RNF220: variants seen among roughly 807,000 people sequenced by gnomAD.
RNF220 encodes E3 ubiquitin-protein ligase RNF220.
In RNF220, 7 loss-of-function variants were observed where a neutral mutation model predicts 67.1. That is an observed-to-expected ratio of 0.10 (90% CI 0.06 to 0.20). The LOEUF is 0.20. Among genes scored for constraint, RNF220 ranks in the 10% least tolerant of loss-of-function variants. The pLI, the probability that RNF220 is intolerant of heterozygous loss-of-function variation, is 1.00. For missense variants in RNF220, 565 were observed against 740.3 expected, an observed-to-expected ratio of 0.76 and a Z score of 2.75; for synonymous variants, 270 against 283.2, an observed-to-expected ratio of 0.95 and a Z score of 0.47.
chr1:44,549,632 C>T (rs189485259), intron 2 of RNF220, among the ~76,000 whole-genome samples: 6 of 152,292 alleles, frequency 3.9e-5, no homozygotes, highest in Non-Finnish European at 8.8e-5. Flanking sequence ...CTAGTGACCC[C>T]TTCCTCCCCT....
intron 2 of RNF220, among the ~76,000 whole-genome samples, chr1:44,534,319 A>T (rs921575333): frequency 2.4e-4 from 36 of 151,072 alleles, no homozygotes; most frequent in African/African-American, 3.9e-4. Context: ...TATTATTATT[A>T]TTTTTAATTT....
chr1:44,582,427 G>A (rs1025425392), intron 2 of RNF220, among the ~76,000 whole-genome samples: 5 of 152,160 alleles, frequency 3.3e-5, no homozygotes, highest in Non-Finnish European at 5.9e-5. Context: ...AGAAACAGGG[G>A]ACTGAGGTAC....
At chr1:44,585,258 G>A (rs1310248723) in intron 2 of RNF220, among the ~76,000 whole-genome samples, 2 of 152,142 alleles carry the variant, frequency 1.3e-5, no homozygotes, top group East Asian at 3.9e-4. Context: ...CCCTCTGCTA[G>A]CACTTGGGAT....
In RNF220 at chr1:44,528,659, A is replaced by T. The variant is rs554513706; in HGVS notation, c.626-85506A>T. Among the ~76,000 whole-genome samples the T allele has an allele frequency of 3.4e-5, 5 of 145,318 alleles. No individual in the cohort carries two copies. The Admixed American group carries it at 3.6e-4, about 10-fold the overall frequency. Reference sequence around the variant, plus strand: ...AGACAGAATCTCACTCTATTGCCCAAGCTGGAGTGCAATGGCACAATTTTG... The same window carrying T: ...AGACAGAATCTCACTCTATTGCCCATGCTGGAGTGCAATGGCACAATTTTG... On this transcript the variant is annotated intron_variant, in intron 2 of 14. Transcript: ENST00000361799.
At chr1:44,419,380 C>T (rs1257772282) in intron 2 of RNF220, 1 of 152,084 alleles carries the variant, frequency 6.6e-6, no homozygotes, top group African/African-American at 2.4e-5. Context: ...ACATGTTGAG[C>T]CTGGAGAAAT....
intron 1 of RNF220, among the ~76,000 whole-genome samples, chr1:44,407,447 G>C (rs1647463426): frequency 6.6e-6 from 1 of 152,164 alleles, no homozygotes; most frequent in Non-Finnish European, 1.5e-5. Flanking sequence ...AAAGAGCGTC[G>C]AGGAAGAGCG....
rs1643825007 is a variant in RNF220 at position 44,622,207 on chromosome 1, T to C, written c.759-535T>C. On this transcript the variant is annotated intron_variant, in intron 3 of 14. Transcript: ENST00000361799. The surrounding 1 kb of genome is among the most constrained non-coding windows in gnomAD (Gnocchi z 4.3). ...CCCGCCTGCTCTGAGCCGCCCACCA[T>C]ATTTCAGGGCCCAGCTCCCGCCTGC... Among the ~76,000 whole-genome samples, 2 of 152,024 alleles carry C rather than the reference T, an allele frequency of 1.3e-5. No homozygotes were observed. The highest frequency in any genetic ancestry group is 6.5e-5 in the Admixed American group (1 of 15,270).
intron 2 of RNF220, among the ~76,000 whole-genome samples, chr1:44,422,589 G>T (rs922783405): frequency 3.3e-5 from 5 of 152,198 alleles, no homozygotes; most frequent in African/African-American, 1.2e-4. Flanking sequence ...GTGAGTGCCT[G>T]CTGCTGAAGT....
At chr1:44,641,907 G>C (rs1644499867) in intron 8 of RNF220, among the ~76,000 whole-genome samples, 1 of 152,258 alleles carries the variant, frequency 6.6e-6, no homozygotes, top group South Asian at 2.1e-4. Flanking sequence ...TGCCTCACTG[G>C]CCAGCGGAAC....
chr1:44,595,378 G>T (rs1032063076), intron 2 of RNF220, among the ~76,000 whole-genome samples: 1 of 152,174 alleles, frequency 6.6e-6, no homozygotes, highest in Non-Finnish European at 1.5e-5. Context: ...GGTCCATCTG[G>T]CCCAGCCAGT....
At chr1:44,558,359 C>G (rs772187783) in intron 2 of RNF220, among the ~76,000 whole-genome samples, 1 of 152,168 alleles carries the variant, frequency 6.6e-6, no homozygotes, top group Non-Finnish European at 1.5e-5. Context: ...GGGCTCTTTT[C>G]TGGCACCAGG....
chr1:44,451,481 T>G (rs1303035481), intron 2 of RNF220, among the ~76,000 whole-genome samples: 1 of 152,212 alleles, frequency 6.6e-6, no homozygotes, highest in Admixed American at 6.5e-5. Context: ...CTTTTTAGTT[T>G]GAAGGTTCTC....
At chr1:44,437,618 C>T (rs1287963541) in intron 2 of RNF220, among the ~76,000 whole-genome samples, 1 of 152,106 alleles carries the variant, frequency 6.6e-6, no homozygotes, top group Non-Finnish European at 1.5e-5. Context: ...GACAAGCTGT[C>T]GATATCCAGG....
intron 2 of RNF220, among the ~76,000 whole-genome samples, chr1:44,482,744 C>T (rs1265828867): frequency 2.0e-5 from 3 of 151,980 alleles, no homozygotes; most frequent in African/African-American, 7.3e-5. Context: ...GCCTCAGCCT[C>T]CTGTGTAGCT....
intron 2 of RNF220, among the ~76,000 whole-genome samples, chr1:44,505,927 T>A (rs1658376463): frequency 6.6e-6 from 1 of 151,440 alleles, no homozygotes; most frequent in African/African-American, 2.4e-5. Context: ...TCCGCCCTAC[T>A]CTGGTTGGGA....
At chr1:44,462,374 A>G (rs891539211) in intron 2 of RNF220, among the ~76,000 whole-genome samples, 1 of 152,204 alleles carries the variant, frequency 6.6e-6, no homozygotes, top group African/African-American at 2.4e-5. Flanking sequence ...AATATTGACC[A>G]AAGGTAACAT....
chr1:44,484,555 G>A (rs1482220321), intron 2 of RNF220, among the ~76,000 whole-genome samples: 1 of 152,126 alleles, frequency 6.6e-6, no homozygotes, highest in Non-Finnish European at 1.5e-5. Flanking sequence ...GCTTTAGGTG[G>A]GAGGACTGGC....
chr1:44,649,475 T>C lies in RNF220; in HGVS notation c.1446-186T>C, dbSNP rs1023925572. On this transcript the variant is annotated intron_variant, in intron 12 of 14. Transcript: ENST00000361799. The surrounding 1 kb of genome is among the most constrained non-coding windows in gnomAD (Gnocchi z 5.9). The stretch of plus-strand genomic sequence containing the variant: ...ATTCATCCGAATGGGAATGGAGGAA[T>C]AGAGAGGGTGAGGAGTTTAGTTCTG... 8.2e-6 allele frequency: 5 copies of C among 610,176 alleles called. No homozygotes were observed. The highest frequency in any genetic ancestry group is 1.5e-5 in the Non-Finnish European group (5 of 342,852). The allele number at this position is 610,176 out of a possible 1,614,324, so 37.8% of individuals were successfully genotyped here. A position where few individuals can be genotyped will look rare whatever the true frequency, so the allele number is the denominator to read the frequency against.
intron 6 of RNF220, among the ~76,000 whole-genome samples, chr1:44,634,331 T>C (rs1644261476): frequency 6.6e-6 from 1 of 152,276 alleles, no homozygotes; most frequent in Non-Finnish European, 1.5e-5. Flanking sequence ...TTTGGGTTTC[T>C]TCATCTGTTA....
Sources: allele counts gnomAD v4.1 joint callset (sites outside exome capture counted in the v4.1 genomes callset), GRCh38; gene constraint gnomAD v4.1.1; non-coding constraint Gnocchi (gnomAD v3.1); transcripts MANE v1.5; gene names NCBI Gene and HGNC (gene_info 2026-07-23, HGNC 2026-07-21).